The following SMC2 variants were observed in gnomAD, a reference collection of about 807,000 sequenced individuals.
SMC2 encodes the protein structural maintenance of chromosomes 2.
In SMC2, 41 loss-of-function variants were observed where a neutral mutation model predicts 142.6. The ratio of observed to expected loss-of-function variants is 0.29; its 90% CI spans 0.22 to 0.37. The LOEUF (loss-of-function observed/expected upper bound fraction) is 0.37, where lower values mean the gene tolerates loss of function less well. SMC2 is among the 10% of genes least tolerant of loss of function. SMC2 has a pLI of 1.00. For missense variants in SMC2, 1,265 were observed against 1,373.7 expected (o/e 0.92, Z 1.25); for synonymous variants, 463 against 457.5 (o/e 1.01, Z -0.15).
At chr9:104,119,999 A>G in intron 15 of SMC2, 28 bp from the exon 16 acceptor site, 1 of 1,612,082 alleles carries the variant, frequency 6.2e-7, no homozygotes, top group Non-Finnish European at 8.5e-7. Context: ...AACAATGTGG[A>G]AGACCTGTTT....
intron 17 of SMC2, among the ~76,000 whole-genome samples, chr9:104,123,832 T>TTA (rs1833988148): frequency 6.6e-6 from 1 of 152,240 alleles, no homozygotes; most frequent in Non-Finnish European, 1.5e-5. Context: ...GTAATTCACT[T>TTA]TATAGCCATT....
intron 17 of SMC2, among the ~76,000 whole-genome samples, chr9:104,124,504 G>GAACAT (rs1430911757): frequency 2.0e-5 from 3 of 152,052 alleles, no homozygotes; most frequent in African/African-American, 7.2e-5. Flanking sequence ...AATAGGCAAA[G>GAACAT]AACATAAAGT....
At chr9:104,101,255 T>A (rs1468488158) in intron 7 of SMC2, among the ~76,000 whole-genome samples, 4 of 152,150 alleles carry the variant, frequency 2.6e-5, no homozygotes, top group Admixed American at 2.6e-4. Flanking sequence ...TTTAAAGCTA[T>A]CTCCTTTTAG....
intron 13 of SMC2, among the ~76,000 whole-genome samples, chr9:104,115,199 ATTCT>A (rs904081525): frequency 6.6e-6 from 1 of 151,266 alleles, no homozygotes; most frequent in Non-Finnish European, 1.5e-5. Context: ...GAATGCTCAT[ATTCT>A]TTCCTGTAAA....
chr9:104,116,558 TATCA>T (rs35687655), intron 14 of SMC2, among the ~76,000 whole-genome samples: 89,483 of 151,632 alleles, frequency 0.59, 27,842 homozygotes, highest in African/African-American at 0.75. Flanking sequence ...GTCACATGAC[TATCA>T]ATCAGGTGAT....
At chr9:104,103,410 A>T (rs7875007) in intron 9 of SMC2, among the ~76,000 whole-genome samples, 89,301 of 151,342 alleles carry the variant, frequency 0.59, 27,741 homozygotes, top group African/African-American at 0.75. Context: ...TACAGAAGAG[A>T]GTTTTTGGCT....
At chr9:104,132,536 T>C (rs777625798) in intron 22 of SMC2, among the ~76,000 whole-genome samples, 3 of 152,152 alleles carry the variant, frequency 2.0e-5, no homozygotes, top group African/African-American at 7.2e-5. Context: ...ATTTTTACTA[T>C]AGCGGAAGAT....
rs751327918 is a variant in SMC2, at chr9:104,129,654, A to C, written c.2800A>C (p.Met934Leu). The C allele has an allele frequency of 6.2e-7, 1 of 1,613,644 alleles. No homozygotes were observed. Among genetic ancestry groups the C allele is most frequent in the Non-Finnish European group, 8.5e-7 (1 of 1,179,588 alleles). Residue 934 changes from methionine to leucine, a missense_variant, in exon 21 of 25, where the codon ATG becomes CTG. This residue lies in a region of SMC2 where 898 missense variants were observed against 904.2 expected (regional missense o/e 0.99). Coordinates refer to ENST00000374793, the MANE Select transcript of SMC2 (RefSeq NM_006444.3). ...AEDGAAKVSK[M>L]LKDYDWINAE... ...TTTTATATGTGGCTAGGTATCCAAA[A>C]TGTTGAAAGATTATGACTGGATTAA...
chr9:104,094,455 C>G lies in SMC2; in HGVS notation c.-84C>G. ...ACCCGGAGGAGCTTTTGGGGTGCGT[C>G]AAGCCCCTGGCCTGAGGCAGCGGTG... On this transcript the variant is annotated 5_prime_UTR_variant, in exon 1 of 25. Transcript: ENST00000374793. The G allele has an allele frequency of 5.1e-6, 2 of 389,356 alleles. No homozygotes were observed. The highest frequency in any genetic ancestry group is 2.1e-5 in the African/African-American group (1 of 48,400). 24.1% of individuals were successfully genotyped at this position (389,356 alleles called of 1,614,324 possible).
chr9:104,133,548 CTTGGCTGTCAAG>C (rs1463171393), intron 22 of SMC2, among the ~76,000 whole-genome samples: 1 of 152,068 alleles, frequency 6.6e-6, no homozygotes, highest in Non-Finnish European at 1.5e-5. Flanking sequence ...CTCTAGAGAA[CTTGGCTGTCAAG>C]TCCTTTGTGT....
At chr9:104,130,913 CTT>C (rs933027277) in intron 21 of SMC2, among the ~76,000 whole-genome samples, 1 of 150,908 alleles carries the variant, frequency 6.6e-6, no homozygotes, top group Non-Finnish European at 1.5e-5. Context: ...AGCAGATGGC[CTT>C]TTTTTTTCTT....
At chr9:104,135,095 T>A (rs1835388917) in intron 23 of SMC2, among the ~76,000 whole-genome samples, 1 of 152,114 alleles carries the variant, frequency 6.6e-6, no homozygotes, top group Non-Finnish European at 1.5e-5. Context: ...CAAAGGCCAG[T>A]GTTCTTTAAA....
rs759927694 is a variant in SMC2 at position 104,102,421 on chromosome 9, T to C, written c.871-3T>C. 4.4e-6 allele frequency: 7 copies of C among 1,591,710 alleles called. No individual in the cohort carries two copies. In the East Asian group the frequency reaches 6.7e-5, roughly 15 times the overall value. ...TGATTGAATTGACTGCATTTTGTTA[T>C]AGGAAACTGGAGGTATACTTCGATC... On this transcript the variant is annotated splice_polypyrimidine_tract_variant and splice_region_variant and intron_variant, in intron 8 of 24. Coordinates refer to ENST00000374793, the MANE Select transcript of SMC2 (RefSeq NM_006444.3).
intron 23 of SMC2, among the ~76,000 whole-genome samples, chr9:104,135,105 A>G (rs373819648): frequency 2.0e-5 from 3 of 152,126 alleles, no homozygotes; most frequent in East Asian, 3.8e-4. Context: ...TGTTCTTTAA[A>G]GAAGGTTAAA....
At position 104,138,177 on chromosome 9, in the gene SMC2, GA is replaced by G. The variant is rs59023453; in HGVS notation, c.3417+19del. 11 of 1,572,050 alleles carry G rather than the reference GA, an allele frequency of 7.0e-6. No homozygotes were observed. The highest frequency in any genetic ancestry group is 1.8e-5 in the Admixed American group (1 of 55,098). On this transcript the variant is annotated intron_variant, in intron 24 of 24. Transcript: ENST00000374793. ...TCACACATTCTCAGGTAAGAACCAG[GA>G]AAAAAAGTCTCAGTAATAGTTTAAT...
chr9:104,125,202 A>G, intron 18 of SMC2, 97 bp downstream of exon 18: 1 of 856,766 alleles, frequency 1.2e-6, no homozygotes, highest in Non-Finnish European at 1.8e-6. Flanking sequence ...ATCAGAATTG[A>G]TCTCAGAATC....
At chr9:104,127,726 A>C (rs1310435770) in intron 20 of SMC2, among the ~76,000 whole-genome samples, 2 of 152,186 alleles carry the variant, frequency 1.3e-5, no homozygotes, top group African/African-American at 4.8e-5. Flanking sequence ...TATTTACCAA[A>C]TGTTTAGTGG....
intron 16 of SMC2, among the ~76,000 whole-genome samples, chr9:104,120,371 C>A (rs1168691344): frequency 6.6e-6 from 1 of 152,076 alleles, no homozygotes; most frequent in African/African-American, 2.4e-5. Flanking sequence ...TTAGCAAAAT[C>A]TATTTAAGCA....
At chr9:104,132,368 C>G (rs972406263) in intron 22 of SMC2, among the ~76,000 whole-genome samples, 1 of 152,108 alleles carries the variant, frequency 6.6e-6, no homozygotes, top group African/African-American at 2.4e-5. Context: ...TTAGTATTCT[C>G]TTTTACAGGA....
Sources: allele counts gnomAD v4.1 joint callset (sites outside exome capture counted in the v4.1 genomes callset), GRCh38; gene constraint gnomAD v4.1.1; regional missense constraint gnomAD v4.1.1; transcripts MANE v1.5; gene names NCBI Gene and HGNC (gene_info 2026-07-23, HGNC 2026-07-21).